The following ZNF674 variants were observed in gnomAD, a reference collection of about 807,000 sequenced individuals.
ZNF674 encodes the protein zinc finger protein 674, also known as zinc finger family member 674.
In ZNF674, 2 loss-of-function variants were observed where a neutral mutation model predicts 7.0. The observed-to-expected ratio is 0.29, with a 90% CI of 0.12 to 0.90. ZNF674 has a LOEUF of 0.90. ZNF674 is among the 40% of genes least tolerant of loss of function. ZNF674 has a pLI of 0.57. For missense variants in ZNF674, 297 were observed against 415.5 expected, an observed-to-expected ratio of 0.71 and a Z score of 2.48; for synonymous variants, 103 against 145.2, an observed-to-expected ratio of 0.71 and a Z score of 2.09.
Position 46,499,905 on chromosome X carries a change from A to G in ZNF674, c.1669T>C (p.Phe557Leu), listed in dbSNP as rs1415922685. 1 of 1,166,122 alleles carries G rather than the reference A, an allele frequency of 8.6e-7. No individual in the cohort carries two copies. Among genetic ancestry groups the G allele is most frequent in the Non-Finnish European group, 1.1e-6 (1 of 873,509 alleles). ...TTAATGAGAGTTGACTTCCCACTGA[A>G]TGCTTTCCCACAGTCTCTGCATTCA... The part of the protein sequence containing the change: ...PYECRDCGKA[F>L]SGKSTLIKHQ... The change falls in exon 6 of 6, where the codon TTC becomes CTC. Residue 557 changes from phenylalanine to leucine, a missense_variant. By Grantham distance (22) the Phe-to-Leu change is conservative. Coordinates refer to ENST00000683375, the MANE Select transcript of ZNF674 (RefSeq NM_001190417.2).
At chrX:46,514,347 AG>A (rs1450782199) in intron 5 of ZNF674, among the ~76,000 whole-genome samples, 1 of 111,236 alleles carries the variant, frequency 9.0e-6, no homozygotes, top group Non-Finnish European at 1.9e-5. Context: ...CTGTGGTAGT[AG>A]AGAAGAGGTT....
rs1421597741 is a variant in ZNF674 at position 46,498,117 on chromosome X, A to G, written c.*1726T>C. On this transcript the variant is annotated 3_prime_UTR_variant, in exon 6 of 6. Coordinates refer to ENST00000683375, the MANE Select transcript of ZNF674 (RefSeq NM_001190417.2). ...TATAATATTTTTTACCTAATGATTT[A>G]CCACGAACATTTTCCCAAATTTGCC... 9.0e-6 allele frequency: 1 copy of G among 111,287 alleles called. No homozygotes were observed. The highest frequency in any genetic ancestry group is 1.9e-5 in the Non-Finnish European group (1 of 53,075). 9.2% of individuals were successfully genotyped at this position (111,287 alleles called of 1,213,427 possible). A position where few individuals can be genotyped will look rare whatever the true frequency, so the allele number is the denominator to read the frequency against.
rs749969117 is a variant in ZNF674, at chrX:46,544,617, A to G, written c.-140-6T>C. 8 of 112,214 alleles carry G rather than the reference A, an allele frequency of 7.1e-5. No homozygotes were observed. The highest frequency in any genetic ancestry group is 1.3e-4 in the Non-Finnish European group (7 of 53,221). 9.2% of individuals were successfully genotyped at this position (112,214 alleles called of 1,213,427 possible). On this transcript the variant is annotated splice_polypyrimidine_tract_variant and splice_region_variant and intron_variant, in intron 1 of 5. Transcript: ENST00000683375. ...CTCAGGTCTGCACTCTGACCCTGGA[A>G]ACACAATGACCACAGGAGATTCAAT...
In ZNF674 at chrX:46,525,893, A is replaced by C. The variant is rs764425438; in HGVS notation, c.238+2457T>G. 5.3e-5 allele frequency among the ~76,000 whole-genome samples: 6 copies of C among 112,193 alleles called. No homozygotes were observed. The South Asian group carries it at 2.2e-3, about 41-fold the overall frequency. On this transcript the variant is annotated intron_variant, in intron 5 of 5. Transcript: ENST00000683375. ...AATTAAACAAAATACCACTTATAGTATCTTATAAGAACAAAAAAAGCTGGT... is the reference window on the plus strand; with the variant it reads ...AATTAAACAAAATACCACTTATAGTCTCTTATAAGAACAAAAAAAGCTGGT...
intron 5 of ZNF674, among the ~76,000 whole-genome samples, chrX:46,502,853 T>G (rs770798391): frequency 5.3e-5 from 6 of 112,550 alleles, no homozygotes; most frequent in Non-Finnish European, 1.1e-4. Flanking sequence ...TGTTTATCAT[T>G]ACTACATCAC....
In ZNF674 at chrX:46,501,278, A is replaced by AGTATG. The variant is rs1388559360; in HGVS notation, c.295_296insCATAC (p.Leu99ProfsTer9). ...CTTGCCTATGAATGCAGCTTGCCAC[A>AGTATG]GAAATTTGTCTTGGCTTTCCTTGTA... is the stretch of plus-strand genomic sequence containing the variant. On this transcript the variant is annotated frameshift_variant, in exon 6 of 6. Coordinates refer to ENST00000683375, the MANE Select transcript of ZNF674 (RefSeq NM_001190417.2). LOFTEE classifies it low-confidence loss of function (END_TRUNC). 2 of 1,209,628 alleles carry AGTATG rather than the reference A, an allele frequency of 1.7e-6. No individual in the cohort carries two copies. Among genetic ancestry groups the AGTATG allele is most frequent in the Non-Finnish European group, 2.2e-6 (2 of 895,028 alleles).
intron 5 of ZNF674, among the ~76,000 whole-genome samples, chrX:46,526,065 G>A (rs1569479401): frequency 8.9e-6 from 1 of 111,983 alleles, no homozygotes; most frequent in Non-Finnish European, 1.9e-5. Flanking sequence ...CAGATTCAGT[G>A]TAATCCCATA....
rs1422209088 is a variant in ZNF674, at chrX:46,528,888, C to T, written c.37G>A (p.Val13Met). The change falls in exon 4 of 6, where the codon GTG becomes ATG. Residue 13 changes from valine to methionine, a missense_variant. Transcript: ENST00000683375. The stretch of plus-strand genomic sequence containing the variant: ...TCCTCCAGGGTGAAGTCCACAAACA[C>T]GTCCTTGAAGGTCAATGATTCCTGT... Reference protein sequence around the residue: ...MSQESLTFKDVFVDFTLEEWQ... With the variant: ...MSQESLTFKDMFVDFTLEEWQ... The T allele has an allele frequency of 5.0e-6, 6 of 1,211,852 alleles. No homozygotes were observed. The Middle Eastern group carries it at 6.9e-4, about 139-fold the overall frequency.
At position 46,501,470 on chromosome X, in the gene ZNF674, TC is replaced by T; in HGVS notation, c.239-136del. 1.6e-5 allele frequency: 9 copies of T among 567,591 alleles called. No homozygotes were observed. In the South Asian group the frequency reaches 3.2e-4, roughly 20 times the overall value. The allele number at this position is 567,591 out of a possible 1,213,427, so 46.8% of individuals were successfully genotyped here. A position where few individuals can be genotyped will look rare whatever the true frequency, so the allele number is the denominator to read the frequency against. ...ATGTGGATGGAGGACCCTTCCCATG[TC>T]CCAGGCTCAAAATCAAGAAAAGAAA... On this transcript the variant is annotated intron_variant, in intron 5 of 5. Transcript: ENST00000683375.
intron 3 of ZNF674, among the ~76,000 whole-genome samples, chrX:46,534,551 G>A (rs1287884191): frequency 2.7e-5 from 3 of 110,764 alleles, no homozygotes; most frequent in East Asian, 2.8e-4. Flanking sequence ...TTGTAGAAAC[G>A]AGGTTTCACC....
chrX:46,521,204 CAAAAAAA>C (rs1187228041), intron 5 of ZNF674, among the ~76,000 whole-genome samples: 1 of 40,726 alleles, frequency 2.5e-5, no homozygotes, highest in Non-Finnish European at 5.2e-5. Flanking sequence ...GACTCTATCT[CAAAAAAA>C]AAAAAAAAAA....
At position 46,528,488 on chromosome X, in the gene ZNF674, G is replaced by A. The variant is rs371542100; in HGVS notation, c.143-43C>T. On this transcript the variant is annotated intron_variant, in intron 4 of 5. Transcript: ENST00000683375. ...CATAGGACTTTGTTATTAATGCTGA[G>A]GAATTCCAGAACCTAGGCCCACCCC... The A allele has an allele frequency of 7.7e-6, 9 of 1,172,090 alleles. No homozygotes were observed. The African/African-American group carries it at 1.6e-4, about 21-fold the overall frequency.
At chrX:46,507,103 T>C (rs1328753958) in intron 5 of ZNF674, among the ~76,000 whole-genome samples, 1 of 111,364 alleles carries the variant, frequency 9.0e-6, no homozygotes, top group Non-Finnish European at 1.9e-5. Context: ...TCCCAGCACT[T>C]TGGGAGGCTG....
intron 5 of ZNF674, among the ~76,000 whole-genome samples, chrX:46,510,739 C>T (rs917222427): frequency 4.5e-5 from 5 of 112,158 alleles, no homozygotes; most frequent in African/African-American, 1.6e-4. Flanking sequence ...TGCAGTGAGC[C>T]GAGATCGTGC....
intron 5 of ZNF674, among the ~76,000 whole-genome samples, 192 bp from the exon 6 acceptor site, chrX:46,501,527 TA>T (rs1248946592): frequency 1.8e-5 from 2 of 111,025 alleles, no homozygotes; most frequent in Non-Finnish European, 3.8e-5. Context: ...AGTGGGAATT[TA>T]AAGTGAGAGA....
At chrX:46,501,471 C>T in intron 5 of ZNF674, 136 bp from the exon 6 acceptor site, 3 of 562,639 alleles carry the variant, frequency 5.3e-6, no homozygotes, top group Non-Finnish European at 5.6e-6. Flanking sequence ...CTTCCCATGT[C>T]CCAGGCTCAA....
chrX:46,511,254 A>C (rs756934428), intron 5 of ZNF674, among the ~76,000 whole-genome samples: 11 of 112,313 alleles, frequency 9.8e-5, no homozygotes, highest in African/African-American at 3.5e-4. Flanking sequence ...ATAATTATTC[A>C]CATAGAAGAC....
intron 3 of ZNF674, among the ~76,000 whole-genome samples, chrX:46,531,967 C>G (rs892833082): frequency 6.3e-5 from 7 of 111,713 alleles, no homozygotes; most frequent in African/African-American, 2.3e-4. Flanking sequence ...GAGTTCGAGA[C>G]CAGCCTGGCC....
intron 5 of ZNF674, chrX:46,523,246 T>G: frequency 8.1e-6 from 1 of 123,531 alleles, no homozygotes; most frequent in East Asian, 2.6e-4. Flanking sequence ...AAACATACAT[T>G]ATCAATATCA....
Sources: gnomAD v4.1 joint callset for allele counts (sites outside exome capture counted in the v4.1 genomes callset) on GRCh38, gnomAD v4.1.1 for gene constraint, MANE v1.5 for transcripts, NCBI Gene and HGNC (gene_info 2026-07-23, HGNC 2026-07-21) for gene names.